The following LIPJ variants were observed in gnomAD, a reference collection of about 807,000 sequenced individuals.
LIPJ encodes the protein lipase family member J, also known as lipase member J.
LIPJ carries 33 observed loss-of-function variants against 39.8 expected under a neutral mutation model. The observed-to-expected ratio is 0.83, with a 90% CI of 0.63 to 1.11. The LOEUF (loss-of-function observed/expected upper bound fraction) is 1.11. Ranked by LOEUF, LIPJ falls within the 50% of genes least tolerant of loss-of-function variation. The pLI, the probability that LIPJ is intolerant of heterozygous loss-of-function variation, is 0.00. For synonymous variants in LIPJ, 128 were observed against 139.2 expected, an observed-to-expected ratio of 0.92 and a Z score of 0.57; for missense variants, 422 against 427.9, an observed-to-expected ratio of 0.99 and a Z score of 0.12.
At chr10:88,594,312 A>G in intron 5 of LIPJ, 168 bp downstream of exon 5, 1 of 588,694 alleles carries the variant, frequency 1.7e-6, no homozygotes, top group Non-Finnish European at 2.9e-6. Context: ...TACTTGTGTG[A>G]TTTTGAGTTT....
the LIPJ span, among the ~76,000 whole-genome samples, chr10:88,612,085 A>T: frequency 6.6e-6 from 1 of 152,330 alleles, no homozygotes; most frequent in Middle Eastern, 3.4e-3. Flanking sequence ...GAAACCCTAC[A>T]AGCTAGAAAG....
chr10:88,601,632 T>C (rs890959510), intron 8 of LIPJ, among the ~76,000 whole-genome samples: 1 of 152,214 alleles, frequency 6.6e-6, no homozygotes, highest in Non-Finnish European at 1.5e-5. Flanking sequence ...TTCTTGTATT[T>C]TTCTTCTCTT....
intron 9 of LIPJ, 97 bp from the exon 10 acceptor site, chr10:88,605,536 C>A (rs776855549): frequency 5.1e-6 from 4 of 787,696 alleles, no homozygotes; most frequent in East Asian, 2.6e-5. Context: ...CCAGCAGACC[C>A]AGTACAATGG....
chr10:88,607,258 G>GAA (rs1214623633), downstream of LIPJ, among the ~76,000 whole-genome samples: 1 of 152,052 alleles, frequency 6.6e-6, no homozygotes, highest in Non-Finnish European at 1.5e-5. Context: ...AGAGTTTTGA[G>GAA]AAATACTTGA....
intron 6 of LIPJ, among the ~76,000 whole-genome samples, 163 bp from the exon 7 acceptor site, chr10:88,596,117 T>C (rs954384319): frequency 4.6e-5 from 7 of 151,702 alleles, no homozygotes; most frequent in African/African-American, 1.4e-4. Context: ...CAATATAATG[T>C]TGTATACTAG....
downstream of LIPJ, among the ~76,000 whole-genome samples, chr10:88,609,111 G>A (rs12775308): frequency 5.9e-5 from 9 of 152,090 alleles, no homozygotes; most frequent in African/African-American, 1.2e-4. Flanking sequence ...CATTCTTTCC[G>A]TTCTTTGTGC....
At chr10:88,608,004 GCAGA>G (rs1851705802), downstream of LIPJ, among the ~76,000 whole-genome samples, 1 of 152,188 alleles carries the variant, frequency 6.6e-6, no homozygotes, top group Non-Finnish European at 1.5e-5. Flanking sequence ...TTGTGCTCTA[GCAGA>G]CAGAGAAAAA....
chr10:88,614,079 C>A, the LIPJ span, among the ~76,000 whole-genome samples: 1 of 151,062 alleles, frequency 6.6e-6, no homozygotes, highest in Non-Finnish European at 1.5e-5. Context: ...GGATCTTAAG[C>A]ACAAAACTGT....
intron 8 of LIPJ, 61 bp downstream of exon 8, chr10:88,596,997 A>G (rs1851279321): frequency 3.1e-6 from 3 of 962,818 alleles, no homozygotes; most frequent in African/African-American, 3.4e-5. Flanking sequence ...TATAATAATA[A>G]TAGTGCTTGT....
At chr10:88,619,910 TA>T in the LIPJ span, among the ~76,000 whole-genome samples, 237 of 151,808 alleles carry the variant, frequency 1.6e-3, 1 homozygote, top group African/African-American at 5.2e-3. Context: ...AAATTAGATT[TA>T]AAAAAATTAA....
chr10:88,614,945 G>T, the LIPJ span, among the ~76,000 whole-genome samples: 1 of 151,870 alleles, frequency 6.6e-6, no homozygotes, highest in Non-Finnish European at 1.5e-5. Context: ...AAAACTTTGG[G>T]GTTTACAATA....
At chr10:88,593,977 T>A in exon 5 of LIPJ, 1 of 1,612,250 alleles carries the variant, frequency 6.2e-7, no homozygotes, top group Non-Finnish European at 8.5e-7. Context: ...TGCAACATGG[T>A]TTGCTTACAT....
the LIPJ span, among the ~76,000 whole-genome samples, chr10:88,622,384 C>T: frequency 6.6e-6 from 1 of 152,240 alleles, no homozygotes; most frequent in South Asian, 2.1e-4. Context: ...AAGAACCCCA[C>T]CTAAAGTACT....
chr10:88,613,674 G>A, the LIPJ span, among the ~76,000 whole-genome samples: 1 of 149,976 alleles, frequency 6.7e-6, no homozygotes, highest in Admixed American at 6.7e-5. Context: ...TTGCCAGGGA[G>A]TAGGAAAAGA....
the LIPJ span, among the ~76,000 whole-genome samples, chr10:88,616,493 G>A: frequency 3.3e-5 from 5 of 152,232 alleles, no homozygotes; most frequent in African/African-American, 4.8e-5. Flanking sequence ...AGTTGGCGCC[G>A]AGCGCCCTTA....
At chr10:88,611,768 T>A (rs1851755462), downstream of LIPJ, among the ~76,000 whole-genome samples, 1 of 152,224 alleles carries the variant, frequency 6.6e-6, no homozygotes, top group Non-Finnish European at 1.5e-5. Context: ...TTTGGGACTA[T>A]GTTAAACATC....
chr10:88,613,800 A>ATATATATATATGTG, the LIPJ span, among the ~76,000 whole-genome samples: 303 of 74,102 alleles, frequency 4.1e-3, 1 homozygote, highest in East Asian at 0.028. Flanking sequence ...ATATATATAT[A>ATATATATATATGTG]TGTGTGTGTG....
exon 8 of LIPJ, chr10:88,596,841 A>G (rs1409136): frequency 0.75 from 1,196,858 of 1,598,610 alleles, 453,262 homozygotes; most frequent in East Asian, 0.99. Context: ...TAAAAAATTC[A>G]TTGGTTCAAA....
chr10:88,613,770 G>A, the LIPJ span, among the ~76,000 whole-genome samples: 34 of 75,504 alleles, frequency 4.5e-4, no homozygotes, highest in African/African-American at 1.1e-3. Flanking sequence ...ATGTGTGTGT[G>A]TATATATATA....
Sources: gnomAD v4.1 joint callset for allele counts (sites outside exome capture counted in the v4.1 genomes callset) on GRCh38, gnomAD v4.1.1 for gene constraint, MANE v1.5 for transcripts, NCBI Gene and HGNC (gene_info 2026-07-23, HGNC 2026-07-21) for gene names.